The following SYTL2 variants were observed in gnomAD, a reference collection of about 807,000 sequenced individuals.
SYTL2 encodes the protein synaptotagmin like 2.
Under a neutral mutation model 198.7 loss-of-function variants are expected in SYTL2, and 165 were observed. The observed-to-expected ratio is 0.83, with a 90% CI of 0.73 to 0.94. SYTL2 has a LOEUF of 0.94. Ranked by LOEUF, SYTL2 falls within the 40% of genes least tolerant of loss-of-function variation. The probability of loss-of-function intolerance (pLI) is 0.00; values close to 1 mark genes in which losing one functional copy is unlikely to be tolerated. For synonymous variants in SYTL2, 966 were observed against 917.7 expected (o/e 1.05, Z -0.95); for missense variants, 2,835 against 2,582.8 (o/e 1.10, Z -2.12).
In SYTL2 at chr11:85,724,688, G is replaced by A; in HGVS notation, c.4670C>T (p.Pro1557Leu). Residue 1557 changes from proline to leucine, a missense_variant, in exon 8 of 20, where the codon CCG becomes CTG. Pro to Leu is a moderately conservative substitution (Grantham distance 98, BLOSUM62 -3). Transcript: ENST00000359152. ...LKETVEKAEA[P>L]LITESAFDAG... ...ATCAAAAGCACTCTCAGTTATTAAC[G>A]GAGCCTCGGCCTTTTCTACTGTTTC... is the stretch of plus-strand genomic sequence containing the variant. 2 of 1,613,954 alleles carry A rather than the reference G, an allele frequency of 1.2e-6. No individual in the cohort carries two copies. Among genetic ancestry groups the A allele is most frequent in the South Asian group, 1.1e-5 (1 of 91,024 alleles).
At chr11:85,838,919 T>C in the SYTL2 span, among the ~76,000 whole-genome samples, 1 of 152,232 alleles carries the variant, frequency 6.6e-6, no homozygotes, top group African/African-American at 2.4e-5. Flanking sequence ...GTTTATTTAC[T>C]TATTTTTAGA....
At chr11:85,814,034 T>C (rs78706011), upstream of SYTL2, among the ~76,000 whole-genome samples, 3,242 of 152,302 alleles carry the variant, frequency 0.021, 65 homozygotes, top group Admixed American at 0.039. Context: ...TGTTAGCGAT[T>C]GTTCTTCTAT....
At chr11:85,852,158 A>C in the SYTL2 span, among the ~76,000 whole-genome samples, 1 of 152,250 alleles carries the variant, frequency 6.6e-6, no homozygotes, top group Non-Finnish European at 1.5e-5. Flanking sequence ...AATATAACAC[A>C]GCATGAATAA....
At chr11:85,715,246 T>C (rs1298409315) in intron 11 of SYTL2, 2 of 152,232 alleles carry the variant, frequency 1.3e-5, no homozygotes, top group South Asian at 2.1e-4. Flanking sequence ...TAATCCTAAT[T>C]TGCATACACC....
intron 1 of SYTL2, among the ~76,000 whole-genome samples, chr11:85,786,155 G>A (rs1249022229): frequency 2.6e-5 from 4 of 152,140 alleles, no homozygotes; most frequent in African/African-American, 7.2e-5. Flanking sequence ...ATCCTAAAAG[G>A]CCACTACTGC....
At chr11:85,762,843 C>A (rs935757749) in intron 1 of SYTL2, among the ~76,000 whole-genome samples, 9 of 152,144 alleles carry the variant, frequency 5.9e-5, no homozygotes, top group African/African-American at 2.2e-4. Context: ...TCCCTACTTA[C>A]TCATGTTTGT....
chr11:85,724,949 T>C lies in SYTL2; in HGVS notation c.4409A>G (p.Gln1470Arg). The change falls in exon 8 of 20, where the codon CAA (glutamine) becomes CGA (arginine). Residue 1470 changes from glutamine (Q) to arginine (R), a missense_variant. Transcript: ENST00000359152. Reference protein sequence around the residue: ...TLSSFASIVAQYGKGLPQEVE... With the variant: ...TLSSFASIVARYGKGLPQEVE... Reference sequence around the variant, plus strand: ...TTCCTGAGGGAGGCCTTTGCCATATTGAGCAACAATGGAAGCAAATGAGCT... The same window carrying C: ...TTCCTGAGGGAGGCCTTTGCCATATCGAGCAACAATGGAAGCAAATGAGCT... 1 of 1,613,932 alleles carries C rather than the reference T, an allele frequency of 6.2e-7. No individual in the cohort carries two copies.
chr11:85,741,514 G>C (rs906520574), intron 4 of SYTL2, among the ~76,000 whole-genome samples: 1 of 152,042 alleles, frequency 6.6e-6, no homozygotes, highest in Non-Finnish European at 1.5e-5. Context: ...ATAGAATTAA[G>C]AATTATTATT....
At chr11:85,777,641 C>A (rs190164011) in intron 1 of SYTL2, among the ~76,000 whole-genome samples, 69 of 150,602 alleles carry the variant, frequency 4.6e-4, no homozygotes, top group African/African-American at 1.6e-3. Context: ...CCCCCCCAAC[C>A]CACACCCCCT....
Position 85,700,589 on chromosome 11 carries a change from GCTGT to G in SYTL2, c.6190_6193del (p.Thr2064HisfsTer13). 6.2e-7 allele frequency: 1 copy of G among 1,613,740 alleles called. No individual in the cohort carries two copies. Among genetic ancestry groups the G allele is most frequent in the South Asian group, 1.1e-5 (1 of 91,064 alleles). ...GTTTTCTGCTTCAAGGGCAACTGGTGCTGTCTGAAAAGTGAAGAAATGTCAGCAG... is the reference window on the plus strand; with the variant it reads ...GTTTTCTGCTTCAAGGGCAACTGGTGCTGAAAAGTGAAGAAATGTCAGCAG... On this transcript the variant is annotated frameshift_variant and splice_region_variant, in exon 17 of 20. Coordinates refer to ENST00000359152, the MANE Select transcript of SYTL2 (RefSeq NM_206927.4). LOFTEE classifies it high-confidence loss of function.
upstream of SYTL2, among the ~76,000 whole-genome samples, chr11:85,814,212 G>C (rs565121952): frequency 9.2e-5 from 14 of 152,280 alleles, no homozygotes; most frequent in East Asian, 2.5e-3. Flanking sequence ...CCATGCCTCT[G>C]CCTGCCTCTC....
intron 7 of SYTL2, among the ~76,000 whole-genome samples, chr11:85,730,013 G>T (rs2089630759): frequency 6.6e-6 from 1 of 152,066 alleles, no homozygotes; most frequent in Non-Finnish European, 1.5e-5. Context: ...TAAATTCCTG[G>T]ACACACACAC....
At chr11:85,742,518 T>C (rs1039648219) in intron 4 of SYTL2, among the ~76,000 whole-genome samples, 2 of 152,210 alleles carry the variant, frequency 1.3e-5, no homozygotes, top group Admixed American at 1.3e-4. Flanking sequence ...CAGCATATGG[T>C]TCATGGACCA....
chr11:85,733,142 G>T (rs936150551), intron 7 of SYTL2, among the ~76,000 whole-genome samples: 1 of 152,190 alleles, frequency 6.6e-6, no homozygotes, highest in Non-Finnish European at 1.5e-5. Flanking sequence ...CTTTTGCATA[G>T]TAAGGCCTCA....
intron 1 of SYTL2, among the ~76,000 whole-genome samples, chr11:85,787,973 G>C (rs568413851): frequency 6.6e-5 from 10 of 152,272 alleles, no homozygotes; most frequent in Non-Finnish European, 1.2e-4. Flanking sequence ...GTGTGCAGCT[G>C]TCTGAAAATA....
intron 3 of SYTL2, 77 bp from the exon 4 acceptor site, chr11:85,745,849 A>T: frequency 6.8e-7 from 1 of 1,470,494 alleles, no homozygotes; most frequent in South Asian, 1.3e-5. Context: ...AGCTCTTATC[A>T]CTGAAGCCTT....
At position 85,734,364 on chromosome 11, in the gene SYTL2, G is replaced by C; in HGVS notation, c.965C>G (p.Ser322Cys). 1 of 1,614,076 alleles carries C rather than the reference G, an allele frequency of 6.2e-7. No individual in the cohort carries two copies. Among genetic ancestry groups the C allele is most frequent in the East Asian group, 2.2e-5 (1 of 44,898 alleles). Residue 322 changes from serine to cysteine, a missense_variant, in exon 7 of 20, where the codon TCT (serine) becomes TGT (cysteine). Ser to Cys is a moderately radical substitution (Grantham distance 112). Coordinates refer to ENST00000359152, the MANE Select transcript of SYTL2 (RefSeq NM_206927.4). The stretch of plus-strand genomic sequence containing the variant: ...TAATGGCTCCAGGGAGTTTGGGGAA[G>C]AGTTGTCTTCTAAAGAATGCTCCTT... ...SEKEHSLEDNSSPNSLEPLKH... is the reference protein window; with the variant it reads ...SEKEHSLEDNCSPNSLEPLKH...
intron 15 of SYTL2, among the ~76,000 whole-genome samples, chr11:85,707,006 AT>A (rs2085283222): frequency 6.6e-6 from 1 of 152,112 alleles, no homozygotes; most frequent in East Asian, 1.9e-4. Flanking sequence ...ATGCTGGCTC[AT>A]TTTTGTATTT....
intron 2 of SYTL2, among the ~76,000 whole-genome samples, chr11:85,749,613 C>G (rs1404696180): frequency 6.6e-6 from 1 of 152,184 alleles, no homozygotes; most frequent in Non-Finnish European, 1.5e-5. Context: ...GGAACTTCCT[C>G]TCTTTGTCAT....
Sources: gnomAD v4.1 joint callset for allele counts (sites outside exome capture counted in the v4.1 genomes callset) on GRCh38, gnomAD v4.1.1 for gene constraint, MANE v1.5 for transcripts, NCBI Gene and HGNC (gene_info 2026-07-23, HGNC 2026-07-21) for gene names.